Variants in ALK observed in about 807,000 individuals in gnomAD.
ALK encodes the protein ALK receptor tyrosine kinase, also known as ALK tyrosine kinase receptor.
In ALK, 74 loss-of-function variants were observed where a neutral mutation model predicts 163.1. The ratio of observed to expected loss-of-function variants is 0.45; its 90% CI spans 0.38 to 0.55. ALK has a LOEUF of 0.55. Ranked by LOEUF, ALK falls within the 20% of genes least tolerant of loss-of-function variation. The pLI is 0.00. For synonymous variants in ALK, 960 were observed against 843.2 expected (o/e 1.14, Z -2.40); for missense variants, 2,063 against 2,105.3 (o/e 0.98, Z 0.39).
intron 5 of ALK, among the ~76,000 whole-genome samples, chr2:29,363,602 A>C (rs13407505): frequency 0.32 from 48,896 of 152,106 alleles, 8,195 homozygotes; most frequent in Middle Eastern, 0.38. Flanking sequence ...TTGTCTTGGC[A>C]TGTATACAGG....
chr2:29,795,662 A>G (rs1664290123), intron 1 of ALK, among the ~76,000 whole-genome samples: 1 of 152,182 alleles, frequency 6.6e-6, no homozygotes, highest in African/African-American at 2.4e-5. Flanking sequence ...TCCAACAAAG[A>G]TGACTAAGAC....
rs886055937 is a variant in ALK at position 29,921,225 on chromosome 2, C to A, written c.-566G>T. ...AGGGCGGAGGCTGCCGTCTTGCGCA[C>A]CCTCAAGCTATCTCTCCGCTGCGGG... On this transcript the variant is annotated 5_prime_UTR_variant, in exon 1 of 29. Coordinates refer to ENST00000389048, the MANE Select transcript of ALK (RefSeq NM_004304.5). 16 of 234,288 alleles carry A rather than the reference C, an allele frequency of 6.8e-5. No homozygotes were observed. The highest frequency in any genetic ancestry group is 4.5e-4 in the Admixed American group (8 of 17,894). The allele number at this position is 234,288 out of a possible 1,614,324, so 14.5% of individuals were successfully genotyped here. A position where few individuals can be genotyped will look rare whatever the true frequency, so the allele number is the denominator to read the frequency against.
intron 16 of ALK, 99 bp downstream of exon 16, chr2:29,228,785 G>A (rs999380420): frequency 3.6e-6 from 3 of 826,628 alleles, no homozygotes; most frequent in Non-Finnish European, 6.3e-6. Flanking sequence ...GTCCACACTT[G>A]GGCAGGCCAG....
chr2:29,473,865 A>AAAAACT (rs1167216889), intron 4 of ALK, among the ~76,000 whole-genome samples: 4 of 152,154 alleles, frequency 2.6e-5, no homozygotes, highest in African/African-American at 9.7e-5. Flanking sequence ...AAACAAAAAC[A>AAAAACT]AAAACAAAAA....
chr2:29,847,381 C>T (rs1422754120), intron 1 of ALK, among the ~76,000 whole-genome samples: 1 of 152,008 alleles, frequency 6.6e-6, no homozygotes, highest in Non-Finnish European at 1.5e-5. Context: ...AACAAATGCC[C>T]CAGGAGCTAT....
At chr2:29,425,283 A>G (rs1249989482) in intron 4 of ALK, among the ~76,000 whole-genome samples, 1 of 152,086 alleles carries the variant, frequency 6.6e-6, no homozygotes, top group Non-Finnish European at 1.5e-5. Flanking sequence ...ATTCCATTCC[A>G]GGAAGGTTTA....
intron 3 of ALK, among the ~76,000 whole-genome samples, chr2:29,572,724 C>T (rs191706356): frequency 4.3e-4 from 65 of 152,350 alleles, no homozygotes; most frequent in East Asian, 2.3e-3. Flanking sequence ...CCAATCCCCA[C>T]GCCTCTCAAA....
intron 11 of ALK, among the ~76,000 whole-genome samples, chr2:29,255,420 G>T (rs1385187796): frequency 2.6e-5 from 4 of 152,172 alleles, no homozygotes; most frequent in Non-Finnish European, 4.4e-5. Context: ...AAATTTAGTA[G>T]ATCCTGGGTG....
Position 29,275,498 on chromosome 2 carries a change from T to G in ALK, c.1818-2A>C. 1.2e-6 allele frequency: 2 copies of G among 1,614,058 alleles called. No homozygotes were observed. Among genetic ancestry groups the G allele is most frequent in the Non-Finnish European group, 1.7e-6 (2 of 1,179,948 alleles). On this transcript the variant is annotated splice_acceptor_variant, in intron 9 of 28. Transcript: ENST00000389048. LOFTEE classifies it high-confidence loss of function. ...CATGCGACCATCTGCAGCCAGAACC[T>G]GTACACATCAAGAGGAATGTGTGTG...
At chr2:29,725,154 CAAAAAAAA>C (rs757959526) in intron 1 of ALK, among the ~76,000 whole-genome samples, 1 of 67,396 alleles carries the variant, frequency 1.5e-5, no homozygotes, top group Non-Finnish European at 2.6e-5. Flanking sequence ...TATCCTATAC[CAAAAAAAA>C]AAAAAAAAAA....
chr2:29,229,370 G>C (rs1051001971), intron 15 of ALK, among the ~76,000 whole-genome samples: 1 of 152,190 alleles, frequency 6.6e-6, no homozygotes, highest in Non-Finnish European at 1.5e-5. Context: ...AGGATGGGGG[G>C]ACGTGGGCAG....
At chr2:29,753,688 C>A (rs924469689) in intron 1 of ALK, among the ~76,000 whole-genome samples, 19 of 152,168 alleles carry the variant, frequency 1.2e-4, no homozygotes, top group African/African-American at 4.6e-4. Context: ...TCCAATTTGG[C>A]TCTCCATTAC....
At chr2:29,476,682 G>T (rs1251579345) in intron 4 of ALK, among the ~76,000 whole-genome samples, 1 of 152,108 alleles carries the variant, frequency 6.6e-6, no homozygotes. Flanking sequence ...ATGCAGGGAA[G>T]TGTGCTGCAT....
Position 29,877,747 on chromosome 2 carries a change from C to T in ALK, c.667+42246G>A, listed in dbSNP as rs1666760344. On this transcript the variant is annotated intron_variant, in intron 1 of 28. Transcript: ENST00000389048. The stretch of plus-strand genomic sequence containing the variant: ...CTCCCACACGCTGGCTCTGCTCTGC[C>T]TACCTGTACTTTCGGAGTCAGGTCT... 2.0e-5 allele frequency among the ~76,000 whole-genome samples: 3 copies of T among 152,312 alleles called. No individual in the cohort carries two copies. The South Asian group carries it at 6.2e-4, about 32-fold the overall frequency.
At chr2:29,884,259 T>C (rs1666935796) in intron 1 of ALK, among the ~76,000 whole-genome samples, 3 of 152,222 alleles carry the variant, frequency 2.0e-5, no homozygotes, top group Non-Finnish European at 4.4e-5. Context: ...ATATTATTCA[T>C]CATGTTTAGT....
At chr2:29,832,685 T>G (rs1351997411) in intron 1 of ALK, among the ~76,000 whole-genome samples, 1 of 152,242 alleles carries the variant, frequency 6.6e-6, no homozygotes, top group Non-Finnish European at 1.5e-5. Context: ...TACCTGCTTC[T>G]GAATACTCAT....
intron 26 of ALK, among the ~76,000 whole-genome samples, chr2:29,200,019 G>A (rs1669117786): frequency 2.6e-5 from 4 of 152,222 alleles, no homozygotes; most frequent in Admixed American, 2.0e-4. Context: ...GAAGGTTGAA[G>A]CACAGGTTAT....
chr2:29,763,879 A>T (rs1680784399), intron 1 of ALK, among the ~76,000 whole-genome samples: 1 of 152,174 alleles, frequency 6.6e-6, no homozygotes, highest in Non-Finnish European at 1.5e-5. Context: ...GGAGAAAGAA[A>T]GGGGTAGAGA....
intron 1 of ALK, among the ~76,000 whole-genome samples, chr2:29,771,759 T>C (rs1047725823): frequency 7.9e-5 from 12 of 152,074 alleles, no homozygotes; most frequent in Admixed American, 1.3e-4. Flanking sequence ...TGGTCTCGAT[T>C]GCCTGACCTC....
Sources: allele counts gnomAD v4.1 joint callset (sites outside exome capture counted in the v4.1 genomes callset), GRCh38; gene constraint gnomAD v4.1.1; transcripts MANE v1.5; gene names NCBI Gene and HGNC (gene_info 2026-07-23, HGNC 2026-07-21).